AFAP1: variants seen among roughly 807,000 people sequenced by gnomAD.
AFAP1 encodes actin filament associated protein 1, also known as actin filament-associated protein 1.
AFAP1 carries 75 observed loss-of-function variants against 93.9 expected under a neutral mutation model. That is an observed-to-expected ratio of 0.80 (90% confidence interval 0.66 to 0.97). AFAP1 has a LOEUF of 0.97. Among genes scored for constraint, AFAP1 ranks in the 50% least tolerant of loss-of-function variants. The probability of loss-of-function intolerance (pLI) is 0.00; values close to 1 mark genes in which losing one functional copy is unlikely to be tolerated. For missense variants in AFAP1, 1,201 were observed against 1,050.8 expected, an observed-to-expected ratio of 1.14 and a Z score of -1.98; for synonymous variants, 517 against 430.7, an observed-to-expected ratio of 1.20 and a Z score of -2.48.
Position 7,800,470 on chromosome 4 carries a change from C to T in AFAP1, c.1238G>A (p.Arg413His), listed in dbSNP as rs1021769782. 6 of 1,614,044 alleles carry T rather than the reference C, an allele frequency of 3.7e-6. No homozygotes were observed. In the African/African-American group the frequency reaches 4.0e-5, roughly 11 times the overall value. The change falls in exon 10 of 18, where the codon CGC (arginine) becomes CAC (histidine). Residue 413 changes from arginine (R) to histidine (H), a missense_variant. Arg to His is a conservative substitution (Grantham distance 29, BLOSUM62 0). Coordinates refer to ENST00000420658, the MANE Select transcript of AFAP1 (RefSeq NM_001134647.2). Reference protein sequence around the residue: ...SKHPLTFRLLRNGQEVAVLEA... With the variant: ...SKHPLTFRLLHNGQEVAVLEA... ...CAATACTGCAACCTCCTGGCCGTTG[C>T]GCAGCAGCCGGAACGTCAGAGGATG... is the stretch of plus-strand genomic sequence containing the variant.
chr4:7,816,300 A>G (rs922495499), intron 7 of AFAP1, among the ~76,000 whole-genome samples: 2 of 150,366 alleles, frequency 1.3e-5, no homozygotes, highest in South Asian at 4.2e-4. Context: ...CCAGAGGGGG[A>G]AAAAAAAAGA....
In AFAP1 at chr4:7,772,825, G is replaced by T; in HGVS notation, c.2248C>A (p.Pro750Thr). 6.2e-7 allele frequency: 1 copy of T among 1,613,840 alleles called. No individual in the cohort carries two copies. Among genetic ancestry groups the T allele is most frequent in the Non-Finnish European group, 8.5e-7 (1 of 1,179,950 alleles). ...AIEPKSGTSSPQSPVFRHRTL... is the reference protein window; with the variant it reads ...AIEPKSGTSSTQSPVFRHRTL... ...TGAGCCAGAAGGACACACACCTGTG[G>T]ACTCGATGTCCCTGACTTGGGCTCG... The change falls in exon 16 of 18, where the codon CCA (proline) becomes ACA (threonine). Residue 750 changes from proline (P) to threonine (T), a missense_variant. By Grantham distance (38) the Pro-to-Thr change is conservative. Transcript: ENST00000420658.
intron 8 of AFAP1, 25 bp from the exon 9 acceptor site, chr4:7,809,788 A>G (rs753703165): frequency 1.2e-5 from 19 of 1,594,888 alleles, no homozygotes; most frequent in Non-Finnish European, 1.4e-5. Context: ...AACAGCAAAA[A>G]AGCATGTTTT....
intron 10 of AFAP1, chr4:7,799,184 G>A (rs1376395482): frequency 9.9e-6 from 7 of 705,384 alleles, no homozygotes; most frequent in Non-Finnish European, 1.2e-5. Context: ...GAACCCAGCT[G>A]TCCCAAGCCC....
intron 10 of AFAP1, among the ~76,000 whole-genome samples, chr4:7,797,207 G>A (rs1022021805): frequency 1.3e-5 from 2 of 152,178 alleles, no homozygotes; most frequent in Non-Finnish European, 2.9e-5. Flanking sequence ...GAATTAGAAC[G>A]TCACCATTTA....
intron 9 of AFAP1, among the ~76,000 whole-genome samples, chr4:7,805,647 C>T (rs943042125): frequency 2.0e-5 from 3 of 152,118 alleles, no homozygotes; most frequent in African/African-American, 7.2e-5. Context: ...GCCTGACATC[C>T]AGAGGTGAAG....
intron 4 of AFAP1, among the ~76,000 whole-genome samples, chr4:7,853,483 C>A (rs113561717): frequency 6.6e-6 from 1 of 152,120 alleles, no homozygotes; most frequent in Non-Finnish European, 1.5e-5. Flanking sequence ...TCAGGAGAGA[C>A]GCAGGCTCCC....
intron 10 of AFAP1, among the ~76,000 whole-genome samples, chr4:7,799,880 G>A (rs971450655): frequency 2.6e-5 from 4 of 152,094 alleles, no homozygotes; most frequent in South Asian, 2.1e-4. Flanking sequence ...ATAACAAAGC[G>A]TGCACCAAGC....
At chr4:7,874,061 A>G (rs1481607123) in intron 1 of AFAP1, among the ~76,000 whole-genome samples, 2 of 152,260 alleles carry the variant, frequency 1.3e-5, no homozygotes. Context: ...AATGTGATTT[A>G]TATTGCCTAA....
At chr4:7,791,091 T>C (rs1163950899) in intron 11 of AFAP1, among the ~76,000 whole-genome samples, 2 of 152,162 alleles carry the variant, frequency 1.3e-5, no homozygotes, top group African/African-American at 2.4e-5. Context: ...TCCCCATAAA[T>C]AGCACTTGTG....
chr4:7,937,014 T>A (rs562315825), intron 1 of AFAP1, among the ~76,000 whole-genome samples: 2 of 152,138 alleles, frequency 1.3e-5, no homozygotes, highest in Non-Finnish European at 2.9e-5. Flanking sequence ...ATACTTCACA[T>A]GACACTTAAA....
intron 1 of AFAP1, among the ~76,000 whole-genome samples, chr4:7,908,225 T>A (rs1314808724): frequency 2.6e-5 from 4 of 151,062 alleles, no homozygotes; most frequent in African/African-American, 9.8e-5. Flanking sequence ...AAAAAAAAAA[T>A]TAATTTAAAT....
chr4:7,828,800 C>T (rs1276066945), intron 6 of AFAP1, among the ~76,000 whole-genome samples: 1 of 152,148 alleles, frequency 6.6e-6, no homozygotes, highest in Non-Finnish European at 1.5e-5. Context: ...AACACAGTGC[C>T]TAACAGCTAG....
chr4:7,765,280 A>T (rs1560141192), intron 17 of AFAP1, among the ~76,000 whole-genome samples: 1 of 151,728 alleles, frequency 6.6e-6, no homozygotes, highest in Non-Finnish European at 1.5e-5. Context: ...CTCTACACAC[A>T]CCCATGCCTG....
chr4:7,802,627 A>G (rs1044939573), intron 9 of AFAP1, among the ~76,000 whole-genome samples: 1 of 145,860 alleles, frequency 6.9e-6, no homozygotes, highest in Non-Finnish European at 1.5e-5. Context: ...ATGTAGTTCC[A>G]ATACATTTAT....
At chr4:7,814,599 T>C (rs1316795804) in intron 8 of AFAP1, among the ~76,000 whole-genome samples, 1 of 152,150 alleles carries the variant, frequency 6.6e-6, no homozygotes, top group Non-Finnish European at 1.5e-5. Context: ...AAGAACCAAC[T>C]AGTGACACTA....
intron 6 of AFAP1, among the ~76,000 whole-genome samples, chr4:7,836,799 T>A (rs28404732): frequency 0.56 from 85,364 of 151,416 alleles, 24,650 homozygotes; most frequent in Admixed American, 0.64. Context: ...ACTATGGTGA[T>A]GGCTGCACAA....
intron 1 of AFAP1, among the ~76,000 whole-genome samples, chr4:7,931,585 G>A (rs1349320008): frequency 6.7e-6 from 1 of 149,070 alleles, no homozygotes; most frequent in Non-Finnish European, 1.5e-5. Flanking sequence ...GTCTCGCTAT[G>A]TTGCCTAGGA....
chr4:7,938,564 A>AC lies in AFAP1; in HGVS notation c.-3+1091dup, dbSNP rs569886425. 7.9e-5 allele frequency among the ~76,000 whole-genome samples: 12 copies of AC among 152,000 alleles called. 1 individual carries two copies. In the East Asian group the frequency reaches 2.1e-3, roughly 27 times the overall value. On this transcript the variant is annotated intron_variant, in intron 1 of 17. Coordinates refer to ENST00000420658, the MANE Select transcript of AFAP1 (RefSeq NM_001134647.2). ...CGGAGTCTCCCCACCCACGGACCTC[A>AC]CCCTCGCTCTCCCCTCATAAATCTG...
Sources: gnomAD v4.1 joint callset for allele counts (sites outside exome capture counted in the v4.1 genomes callset) on GRCh38, gnomAD v4.1.1 for gene constraint, MANE v1.5 for transcripts, NCBI Gene and HGNC (gene_info 2026-07-23, HGNC 2026-07-21) for gene names.